PIEZO2: variants seen among roughly 807,000 people sequenced by gnomAD.
PIEZO2 encodes the protein piezo type mechanosensitive ion channel component 2.
In PIEZO2, 172 loss-of-function variants were observed where a neutral mutation model predicts 337.3. That is an observed-to-expected ratio of 0.51 (90% CI 0.45 to 0.58). The LOEUF is 0.58. Among genes scored for constraint, PIEZO2 ranks in the 20% least tolerant of loss-of-function variants. The pLI is 0.00. For synonymous variants in PIEZO2, 1,251 were observed against 1,228.5 expected, an observed-to-expected ratio of 1.02 and a Z score of -0.38; for missense variants, 3,028 against 3,391.3, an observed-to-expected ratio of 0.89 and a Z score of 2.66.
chr18:11,059,245 T>G (rs1229161951), intron 2 of PIEZO2, among the ~76,000 whole-genome samples: 1 of 151,842 alleles, frequency 6.6e-6, no homozygotes, highest in Non-Finnish European at 1.5e-5. Context: ...CTACAAGAGC[T>G]CCTGAAGGAA....
rs1219220661 is a variant in PIEZO2 at position 10,716,571 on chromosome 18, C to T, written c.5090-755G>A. Among the ~76,000 whole-genome samples the T allele has an allele frequency of 1.3e-5, 2 of 151,798 alleles. No homozygotes were observed. Among genetic ancestry groups the T allele is most frequent in the Non-Finnish European group, 2.9e-5 (2 of 68,032 alleles). On this transcript the variant is annotated intron_variant, in intron 37 of 55. Transcript: ENST00000674853. This position sits in a 1 kb window ranked among gnomAD's most constrained non-coding sequence, Gnocchi z 4.1. ...TGAGCAAGGAGGCACAGGAAGAGAA[C>T]GGCCGCTGCTTGAAGCTGAATGAAG...
chr18:11,133,792 C>G (rs2071265410), intron 1 of PIEZO2, among the ~76,000 whole-genome samples: 1 of 142,460 alleles, frequency 7.0e-6, no homozygotes, highest in Non-Finnish European at 1.6e-5. Flanking sequence ...AAACTCCTCT[C>G]TCTATATATA....
At chr18:10,991,950 T>C (rs886346035) in intron 2 of PIEZO2, among the ~76,000 whole-genome samples, 2 of 152,216 alleles carry the variant, frequency 1.3e-5, no homozygotes, top group Admixed American at 6.5e-5. Flanking sequence ...TATCTCATTG[T>C]GGTTTTGATT....
intron 37 of PIEZO2, among the ~76,000 whole-genome samples, chr18:10,717,044 A>G (rs872086): frequency 0.09 from 13,737 of 152,182 alleles, 1,106 homozygotes; most frequent in East Asian, 0.26. Context: ...GGTTAAGAGC[A>G]CACACTCTGG....
rs538925004 is a variant in PIEZO2 at position 10,833,352 on chromosome 18, C to T, written c.917+22001G>A. Among the ~76,000 whole-genome samples, 1 of 152,276 alleles carries T rather than the reference C, an allele frequency of 6.6e-6. No individual in the cohort carries two copies. Among genetic ancestry groups the T allele is most frequent in the African/African-American group, 2.4e-5 (1 of 41,554 alleles). On this transcript the variant is annotated intron_variant, in intron 7 of 55. Coordinates refer to ENST00000674853, the MANE Select transcript of PIEZO2 (RefSeq NM_001378183.1). This position sits in a 1 kb window ranked among gnomAD's most constrained non-coding sequence, Gnocchi z 4.7. The stretch of plus-strand genomic sequence containing the variant: ...TTTTCTTCTGGTACTTCGGAGCCCA[C>T]TGTGACACCTGCAGCCTCGCCCTCT...
chr18:10,970,978 G>A (rs1385740), intron 3 of PIEZO2, among the ~76,000 whole-genome samples: 4,282 of 152,084 alleles, frequency 0.028, 81 homozygotes, highest in Middle Eastern at 0.071. Flanking sequence ...TCCACAATAC[G>A]GCAATTTCCA....
chr18:10,714,217 G>A (rs1297729705), intron 39 of PIEZO2, among the ~76,000 whole-genome samples: 2 of 152,158 alleles, frequency 1.3e-5, no homozygotes, highest in African/African-American at 2.4e-5. Context: ...AGTGCTTAGT[G>A]CTGGCCCCTG....
intron 2 of PIEZO2, among the ~76,000 whole-genome samples, chr18:11,008,458 G>A (rs1261112169): frequency 6.6e-6 from 1 of 152,180 alleles, no homozygotes; most frequent in Admixed American, 6.5e-5. Context: ...AACTGCACAT[G>A]TCGTGGACCA....
rs72980812 is a variant in PIEZO2, at chr18:10,677,090, G to A, written c.8081+657C>T. Among the ~76,000 whole-genome samples, 653 of 152,332 alleles carry A rather than the reference G, an allele frequency of 4.3e-3. 4 individuals are homozygous for A. Among genetic ancestry groups the A allele is most frequent in the Middle Eastern group, 0.031 (9 of 294 alleles). ...AGCTGAGGGAGACAGCCACTCTGCA[G>A]ACTGAAGACAGACCTGGAAGAATAA... On this transcript the variant is annotated intron_variant, in intron 53 of 55. Coordinates refer to ENST00000674853, the MANE Select transcript of PIEZO2 (RefSeq NM_001378183.1). This position sits in a 1 kb window ranked among gnomAD's most constrained non-coding sequence, Gnocchi z 4.1.
intron 4 of PIEZO2, among the ~76,000 whole-genome samples, chr18:10,885,475 G>A (rs2042552112): frequency 6.6e-6 from 1 of 152,078 alleles, no homozygotes; most frequent in African/African-American, 2.4e-5. Context: ...TTGTCAAGGA[G>A]GTGATAGGAA....
At chr18:10,916,751 G>A (rs2031008420) in intron 3 of PIEZO2, among the ~76,000 whole-genome samples, 1 of 152,138 alleles carries the variant, frequency 6.6e-6, no homozygotes, top group Admixed American at 6.5e-5. Flanking sequence ...CGGGCTGAAG[G>A]GCTTCTCAAG....
At chr18:10,967,612 A>AT (rs879573814) in intron 3 of PIEZO2, among the ~76,000 whole-genome samples, 11 of 151,104 alleles carry the variant, frequency 7.3e-5, no homozygotes, top group South Asian at 2.1e-4. Flanking sequence ...GCCAACATCT[A>AT]TTTTTTTTTA....
At chr18:10,842,932 A>G in intron 7 of PIEZO2, among the ~76,000 whole-genome samples, 1 of 152,184 alleles carries the variant, frequency 6.6e-6, no homozygotes, top group East Asian at 1.9e-4. Context: ...GGGAAAATTT[A>G]AAAGTATCTT....
At chr18:11,142,795 A>AAAAG (rs1568411821) in intron 1 of PIEZO2, among the ~76,000 whole-genome samples, 2 of 135,564 alleles carry the variant, frequency 1.5e-5, no homozygotes, top group East Asian at 2.2e-4. Flanking sequence ...AAAAAAAAAA[A>AAAAG]GGACCGGGCA....
rs185731359 is a variant in PIEZO2, at chr18:10,672,052, G to T, written c.8346-273C>A. Among the ~76,000 whole-genome samples, 12 of 152,164 alleles carry T rather than the reference G, an allele frequency of 7.9e-5. No individual in the cohort carries two copies. The highest frequency in any genetic ancestry group is 1.3e-4 in the Admixed American group (2 of 15,272). ...ATTCTGTAAATAATCAATGCTAACC[G>T]TTTCATGTATGAACTTTAGGTGGTT... On this transcript the variant is annotated intron_variant, in intron 55 of 55. Coordinates refer to ENST00000674853, the MANE Select transcript of PIEZO2 (RefSeq NM_001378183.1). The surrounding 1 kb of genome is among the most constrained non-coding windows in gnomAD (Gnocchi z 4.7).
rs888729190 is a variant in PIEZO2 at position 11,047,696 on chromosome 18, G to A, written c.160+18431C>T. Among the ~76,000 whole-genome samples, 2 of 152,286 alleles carry A rather than the reference G, an allele frequency of 1.3e-5. No individual in the cohort carries two copies. ...GGAATCTGGGGAGAGCACTACAGCA[G>A]CCACCACACTGGGAGTTAGGGCCTT... On this transcript the variant is annotated intron_variant, in intron 2 of 55. Transcript: ENST00000674853. This position sits in a 1 kb window ranked among gnomAD's most constrained non-coding sequence, Gnocchi z 7.2.
At chr18:10,741,379 T>C (rs2037212079) in intron 32 of PIEZO2, among the ~76,000 whole-genome samples, 1 of 152,210 alleles carries the variant, frequency 6.6e-6, no homozygotes. Flanking sequence ...GGATTATCTG[T>C]CAAAAATACA....
intron 47 of PIEZO2, among the ~76,000 whole-genome samples, chr18:10,694,865 T>TA (rs1469300319): frequency 3.3e-5 from 5 of 151,900 alleles, no homozygotes; most frequent in Non-Finnish European, 5.9e-5. Flanking sequence ...ATAAATTTTT[T>TA]AAAAAACTAG....
intron 49 of PIEZO2, among the ~76,000 whole-genome samples, chr18:10,686,602 G>C (rs1328702919): frequency 2.6e-5 from 4 of 152,236 alleles, no homozygotes; most frequent in Non-Finnish European, 4.4e-5. Context: ...TGGATGAACA[G>C]ACACTGAGCT....
Sources: gnomAD v4.1 joint callset for allele counts (sites outside exome capture counted in the v4.1 genomes callset) on GRCh38, gnomAD v4.1.1 for gene constraint, Gnocchi (gnomAD v3.1) non-coding constraint, MANE v1.5 for transcripts, NCBI Gene and HGNC (gene_info 2026-07-23, HGNC 2026-07-21) for gene names.